Variants in SAMD12 observed in about 807,000 individuals in gnomAD.
SAMD12 encodes sterile alpha motif domain-containing protein 12.
A neutral mutation model predicts 15.0 loss-of-function variants in SAMD12; 9 were observed. The observed-to-expected ratio is 0.60, with a 90% CI of 0.36 to 1.05. The LOEUF (loss-of-function observed/expected upper bound fraction) is 1.05, where lower values mean the gene tolerates loss of function less well. SAMD12 is among the 50% of genes least tolerant of loss of function. SAMD12 has a pLI of 0.01. For missense variants in SAMD12, 230 were observed against 234.2 expected, an observed-to-expected ratio of 0.98 and a Z score of 0.12; for synonymous variants, 86 against 90.1, an observed-to-expected ratio of 0.96 and a Z score of 0.25.
rs558897037 is a variant in SAMD12, at chr8:118,442,227, C to A, written c.193-2266G>T. On this transcript the variant is annotated intron_variant, in intron 2 of 3. Coordinates refer to ENST00000314727, the MANE Select transcript of SAMD12 (RefSeq NM_207506.3). ...GAGATCTGTTATAATTTTGTGTTCC[C>A]CAGAGTGTCTTGTTTTCAGTAGATC... Among the ~76,000 whole-genome samples, 147 of 152,230 alleles carry A rather than the reference C, an allele frequency of 9.7e-4. 2 individuals are homozygous for A. Among genetic ancestry groups the A allele is most frequent in the African/African-American group, 3.4e-3 (142 of 41,554 alleles).
chr8:118,140,656 C>T, the SAMD12 span, among the ~76,000 whole-genome samples: 1 of 152,126 alleles, frequency 6.6e-6, no homozygotes, highest in Non-Finnish European at 1.5e-5. Flanking sequence ...TGGAGGGCAT[C>T]GTGTTTCAGA....
At chr8:118,384,280 T>C (rs1819829985) in intron 3 of SAMD12, among the ~76,000 whole-genome samples, 1 of 152,178 alleles carries the variant, frequency 6.6e-6, no homozygotes, top group African/African-American at 2.4e-5. Context: ...TGGATTTTAC[T>C]CTTCTGAATA....
At chr8:118,157,762 T>C in the SAMD12 span, among the ~76,000 whole-genome samples, 1 of 152,206 alleles carries the variant, frequency 6.6e-6, no homozygotes, top group African/African-American at 2.4e-5. Context: ...TTGTAGGGCA[T>C]GGAGGACTTC....
chr8:118,611,679 C>A (rs937253622), intron 1 of SAMD12, among the ~76,000 whole-genome samples: 2 of 152,214 alleles, frequency 1.3e-5, no homozygotes, highest in African/African-American at 4.8e-5. Context: ...AAAAACAAAA[C>A]CCTCAACTGA....
chr8:118,423,133 G>A (rs769810674), intron 3 of SAMD12, among the ~76,000 whole-genome samples: 3 of 152,146 alleles, frequency 2.0e-5, no homozygotes, highest in Non-Finnish European at 2.9e-5. Context: ...GCAGTGAGCC[G>A]TGATGTCACA....
intron 4 of SAMD12, among the ~76,000 whole-genome samples, chr8:118,319,068 C>T (rs1167584183): frequency 6.6e-6 from 1 of 152,134 alleles, no homozygotes; most frequent in Middle Eastern, 3.2e-3. Flanking sequence ...AGTAAAAACA[C>T]ACCTCAGCCA....
intron 1 of SAMD12, among the ~76,000 whole-genome samples, chr8:118,585,108 T>A (rs1179289635): frequency 6.6e-6 from 1 of 152,218 alleles, no homozygotes; most frequent in Non-Finnish European, 1.5e-5. Flanking sequence ...TGAAATATTT[T>A]GCGCCTATAA....
chr8:118,596,769 A>G (rs1827734288), intron 1 of SAMD12, among the ~76,000 whole-genome samples: 1 of 152,194 alleles, frequency 6.6e-6, no homozygotes. Flanking sequence ...CCGGACACTG[A>G]AGAGTAATTA....
chr8:118,161,479 T>C, the SAMD12 span, among the ~76,000 whole-genome samples: 1 of 151,486 alleles, frequency 6.6e-6, no homozygotes, highest in Admixed American at 6.6e-5. Flanking sequence ...GGAGGACTGC[T>C]TGAGCCCAGA....
At chr8:118,373,994 A>G (rs1212702154), downstream of SAMD12, among the ~76,000 whole-genome samples, 1 of 151,866 alleles carries the variant, frequency 6.6e-6, no homozygotes, top group Non-Finnish European at 1.5e-5. Context: ...TTTTTTTTTT[A>G]CCTGTGGTAA....
intron 4 of SAMD12, among the ~76,000 whole-genome samples, chr8:118,261,907 G>A (rs1039337695): frequency 3.3e-5 from 5 of 150,148 alleles, no homozygotes; most frequent in African/African-American, 1.2e-4. Flanking sequence ...TTCTCCAATA[G>A]TCAAGATAGG....
intron 2 of SAMD12, among the ~76,000 whole-genome samples, chr8:118,501,694 G>A (rs895868525): frequency 7.2e-5 from 11 of 152,120 alleles, no homozygotes; most frequent in African/African-American, 2.4e-4. Flanking sequence ...ACTTTAATAT[G>A]CATACAGATT....
At chr8:118,232,495 T>C (rs909136995) in intron 4 of SAMD12, among the ~76,000 whole-genome samples, 2 of 151,696 alleles carry the variant, frequency 1.3e-5, no homozygotes, top group Non-Finnish European at 2.9e-5. Context: ...GTAAGGGAGA[T>C]TGTTGGAGGG....
At chr8:118,487,150 G>A (rs7815539) in intron 2 of SAMD12, among the ~76,000 whole-genome samples, 10,070 of 152,134 alleles carry the variant, frequency 0.066, 658 homozygotes, top group African/African-American at 0.16. Flanking sequence ...GACCTAGGGC[G>A]GGGCTAGGAC....
At chr8:118,355,953 T>A (rs887343524) in intron 4 of SAMD12, among the ~76,000 whole-genome samples, 1 of 152,206 alleles carries the variant, frequency 6.6e-6, no homozygotes, top group Non-Finnish European at 1.5e-5. Context: ...CTTATCTTGC[T>A]GGCTTGAGAA....
intron 3 of SAMD12, among the ~76,000 whole-genome samples, chr8:118,420,544 AAG>A (rs1234345209): frequency 1.3e-5 from 2 of 152,190 alleles, no homozygotes; most frequent in Non-Finnish European, 2.9e-5. Context: ...TTTTTAGTGG[AAG>A]AGAGAGAACT....
chr8:118,327,101 G>A (rs931361599), intron 4 of SAMD12, among the ~76,000 whole-genome samples: 2 of 152,150 alleles, frequency 1.3e-5, no homozygotes, highest in African/African-American at 2.4e-5. Context: ...AATTACATAG[G>A]GAATACAAGA....
chr8:118,152,742 A>AC, the SAMD12 span, among the ~76,000 whole-genome samples: 1 of 151,598 alleles, frequency 6.6e-6, no homozygotes, highest in African/African-American at 2.4e-5. Context: ...CAAGCAGTTC[A>AC]CCCCCCTCGG....
At chr8:118,568,632 A>G (rs1826917643) in intron 2 of SAMD12, among the ~76,000 whole-genome samples, 1 of 152,224 alleles carries the variant, frequency 6.6e-6, no homozygotes, top group Admixed American at 6.5e-5. Context: ...ATCACCTTGT[A>G]CAATCCAAAG....
Sources: allele counts gnomAD v4.1 joint callset (sites outside exome capture counted in the v4.1 genomes callset), GRCh38; gene constraint gnomAD v4.1.1; transcripts MANE v1.5; gene names NCBI Gene and HGNC (gene_info 2026-07-23, HGNC 2026-07-21).